GMDS: variants seen among roughly 807,000 people sequenced by gnomAD.
GMDS encodes the protein GDP-mannose 4,6 dehydratase.
Under a neutral mutation model 49.9 loss-of-function variants are expected in GMDS, and 20 were observed. The ratio of observed to expected loss-of-function variants is 0.40; its 90% CI spans 0.28 to 0.58. The LOEUF (loss-of-function observed/expected upper bound fraction) is 0.58. GMDS is among the 20% of genes least tolerant of loss of function. GMDS has a pLI of 0.42. For missense variants in GMDS, 362 were observed against 481.4 expected, an observed-to-expected ratio of 0.75 and a Z score of 2.32; for synonymous variants, 177 against 178.6, an observed-to-expected ratio of 0.99 and a Z score of 0.07.
chr6:2,183,377 A>AG (rs1440784942), intron 1 of GMDS, among the ~76,000 whole-genome samples: 1 of 152,188 alleles, frequency 6.6e-6, no homozygotes. Context: ...TGACTTTGAG[A>AG]GGGTCAAGAC....
intron 7 of GMDS, among the ~76,000 whole-genome samples, chr6:1,926,929 C>T (rs1338020562): frequency 1.3e-5 from 2 of 152,202 alleles, no homozygotes; most frequent in African/African-American, 4.8e-5. Context: ...AATGACCTAA[C>T]TTTCTATCTG....
At chr6:2,122,502 A>G (rs1417478656) in intron 2 of GMDS, among the ~76,000 whole-genome samples, 1 of 151,982 alleles carries the variant, frequency 6.6e-6, no homozygotes, top group African/African-American at 2.4e-5. Flanking sequence ...TCTTTTACTC[A>G]TGGCCTTCAA....
At chr6:1,819,811 A>G (rs1770820338) in intron 7 of GMDS, among the ~76,000 whole-genome samples, 1 of 147,444 alleles carries the variant, frequency 6.8e-6, no homozygotes, top group South Asian at 2.1e-4. Context: ...ACCTTGGGTT[A>G]TGTTTCTCAT....
At chr6:2,116,870 A>G (rs1774877819) in intron 3 of GMDS, among the ~76,000 whole-genome samples, 1 of 152,106 alleles carries the variant, frequency 6.6e-6, no homozygotes, top group South Asian at 2.1e-4. Flanking sequence ...CCTCAACTAT[A>G]ATGTGCTCTC....
chr6:2,019,504 C>G (rs1001415857), intron 4 of GMDS, among the ~76,000 whole-genome samples: 2 of 152,020 alleles, frequency 1.3e-5, no homozygotes, highest in Non-Finnish European at 2.9e-5. Context: ...ACTCTGTTGC[C>G]CAGGCTGGAG....
chr6:1,633,752 A>T lies in GMDS; in HGVS notation c.988-9212T>A, dbSNP rs567239886. Among the ~76,000 whole-genome samples, 6 of 152,278 alleles carry T rather than the reference A, an allele frequency of 3.9e-5. No individual in the cohort carries two copies. In the South Asian group the frequency reaches 1.2e-3, roughly 32 times the overall value. On this transcript the variant is annotated intron_variant, in intron 9 of 10. Transcript: ENST00000380815. Reference sequence around the variant, plus strand: ...TGGGGAGTGACGGGGAGAGGAGCCCATGACCACGAGGCTGGGAGGGACACA... The same window carrying T: ...TGGGGAGTGACGGGGAGAGGAGCCCTTGACCACGAGGCTGGGAGGGACACA...
At chr6:1,764,106 CTGTT>C (rs1425360237) in intron 7 of GMDS, among the ~76,000 whole-genome samples, 1 of 152,154 alleles carries the variant, frequency 6.6e-6, no homozygotes, top group East Asian at 1.9e-4. Flanking sequence ...AAAAAAAAAG[CTGTT>C]TGTTTGAAAT....
intron 4 of GMDS, among the ~76,000 whole-genome samples, chr6:2,053,397 A>C (rs1770565847): frequency 6.6e-6 from 1 of 152,120 alleles, no homozygotes; most frequent in African/African-American, 2.4e-5. Flanking sequence ...AATTTAACTA[A>C]ATCCCAGAAA....
chr6:1,634,899 G>A (rs1763098157), intron 9 of GMDS, among the ~76,000 whole-genome samples: 1 of 152,158 alleles, frequency 6.6e-6, no homozygotes, highest in Non-Finnish European at 1.5e-5. Flanking sequence ...GGCCTCCCTG[G>A]GGTTGGAGGC....
intron 8 of GMDS, among the ~76,000 whole-genome samples, chr6:1,727,291 G>A (rs925333956): frequency 3.9e-5 from 6 of 152,242 alleles, no homozygotes; most frequent in East Asian, 1.9e-4. Flanking sequence ...CATATGCTTC[G>A]AGATTACCTT....
At chr6:1,896,377 C>T (rs1216496627) in intron 7 of GMDS, among the ~76,000 whole-genome samples, 1 of 152,178 alleles carries the variant, frequency 6.6e-6, no homozygotes, top group African/African-American at 2.4e-5. Flanking sequence ...GAGGAACTTA[C>T]TGCAAACAAG....
intron 4 of GMDS, among the ~76,000 whole-genome samples, chr6:2,028,458 C>G (rs933991544): frequency 6.6e-6 from 1 of 152,010 alleles, no homozygotes; most frequent in Non-Finnish European, 1.5e-5. Context: ...TTTAATTAAC[C>G]AAAACAAAAA....
chr6:2,202,131 C>A (rs1459900221), intron 1 of GMDS, among the ~76,000 whole-genome samples: 1 of 143,748 alleles, frequency 7.0e-6, no homozygotes, highest in Non-Finnish European at 1.5e-5. Flanking sequence ...GCAGTGAGGG[C>A]AGCATGTTAG....
chr6:2,072,870 T>C (rs1562029082), intron 4 of GMDS, among the ~76,000 whole-genome samples: 3 of 152,250 alleles, frequency 2.0e-5, no homozygotes, highest in African/African-American at 7.2e-5. Flanking sequence ...CTATAACTGG[T>C]AAAATCACAA....
At chr6:2,187,843 A>C (rs561348439) in intron 1 of GMDS, among the ~76,000 whole-genome samples, 1 of 152,352 alleles carries the variant, frequency 6.6e-6, no homozygotes, top group South Asian at 2.1e-4. Context: ...GGCTTCAATA[A>C]AATTTCTAAA....
intron 7 of GMDS, among the ~76,000 whole-genome samples, chr6:1,914,321 T>C (rs1307675320): frequency 6.7e-6 from 1 of 150,032 alleles, no homozygotes; most frequent in Non-Finnish European, 1.5e-5. Flanking sequence ...CCTGGCGTGG[T>C]GGTGGGCGCC....
At chr6:2,160,861 A>G (rs1342088068) in intron 1 of GMDS, among the ~76,000 whole-genome samples, 1 of 152,074 alleles carries the variant, frequency 6.6e-6, no homozygotes, top group African/African-American at 2.4e-5. Context: ...TTCAAACTCA[A>G]TTTACTGAAT....
chr6:1,785,545 C>T (rs998172473), intron 7 of GMDS, among the ~76,000 whole-genome samples: 2 of 152,202 alleles, frequency 1.3e-5, no homozygotes, highest in South Asian at 2.1e-4. Context: ...CTACGCAGCC[C>T]TCGCCACGTG....
chr6:2,009,313 C>G (rs2127391655), intron 4 of GMDS, among the ~76,000 whole-genome samples: 1 of 152,320 alleles, frequency 6.6e-6, no homozygotes, highest in East Asian at 1.9e-4. Context: ...ACTTTTTATA[C>G]AGATAGCTTC....
Sources: gnomAD v4.1 joint callset for allele counts (sites outside exome capture counted in the v4.1 genomes callset) on GRCh38, gnomAD v4.1.1 for gene constraint, MANE v1.5 for transcripts, NCBI Gene and HGNC (gene_info 2026-07-23, HGNC 2026-07-21) for gene names.